CAPN9: variants seen among roughly 807,000 people sequenced by gnomAD.
The protein encoded by CAPN9 is calpain 9.
CAPN9 carries 81 observed loss-of-function variants against 92.8 expected under a neutral mutation model. The ratio of observed to expected loss-of-function variants is 0.87; its 90% CI spans 0.73 to 1.05. The LOEUF (loss-of-function observed/expected upper bound fraction) is 1.05, where lower values mean the gene tolerates loss of function less well. CAPN9 is among the 50% of genes least tolerant of loss of function. The pLI is 0.00. For synonymous variants in CAPN9, 304 were observed against 328.0 expected, an observed-to-expected ratio of 0.93 and a Z score of 0.79; for missense variants, 848 against 866.2, an observed-to-expected ratio of 0.98 and a Z score of 0.26.
At chr1:230,787,720 G>A in intron 13 of CAPN9, 118 bp downstream of exon 13, 1 of 819,762 alleles carries the variant, frequency 1.2e-6, no homozygotes, top group Non-Finnish European at 2.1e-6. Context: ...GATGGAGCTT[G>A]TTGCAAAGTA....
chr1:230,777,085 G>A (rs994265800), intron 8 of CAPN9: 3 of 152,256 alleles, frequency 2.0e-5, no homozygotes, highest in African/African-American at 7.2e-5. Context: ...ACTGCAGGAA[G>A]AAAGCTGAGT....
At chr1:230,768,706 AT>A (rs879379940) in intron 5 of CAPN9, among the ~76,000 whole-genome samples, 9 of 151,842 alleles carry the variant, frequency 5.9e-5, no homozygotes, top group East Asian at 1.9e-4. Context: ...GACACTATGT[AT>A]TTTTTTTAAT....
chr1:230,756,701 C>T (rs967372729), intron 2 of CAPN9, among the ~76,000 whole-genome samples: 10 of 151,820 alleles, frequency 6.6e-5, no homozygotes, highest in African/African-American at 2.2e-4. Context: ...TTTGGGAGGC[C>T]GAGGCAGGAG....
intron 9 of CAPN9, 76 bp downstream of exon 9, chr1:230,779,209 C>T (rs1428353564): frequency 1.4e-5 from 19 of 1,399,186 alleles, no homozygotes; most frequent in African/African-American, 2.9e-5. Context: ...GGATAAGGGC[C>T]GGGTCCTCAG....
At chr1:230,784,154 G>T (rs967487864) in intron 11 of CAPN9, among the ~76,000 whole-genome samples, 7 of 152,192 alleles carry the variant, frequency 4.6e-5, no homozygotes, top group Non-Finnish European at 1.0e-4. Flanking sequence ...TGGGAGCAAA[G>T]ATATGACTTA....
intron 13 of CAPN9, among the ~76,000 whole-genome samples, chr1:230,789,931 G>C (rs187425611): frequency 4.6e-5 from 7 of 152,244 alleles, no homozygotes; most frequent in African/African-American, 1.7e-4. Context: ...CTCCTAGTTG[G>C]GCTGGCATGT....
At chr1:230,791,982 C>CT in intron 15 of CAPN9, 54 bp downstream of exon 15, 1 of 1,276,136 alleles carries the variant, frequency 7.8e-7, no homozygotes, top group East Asian at 2.3e-5. Context: ...GCTTTAAGCA[C>CT]AGTAGAGTAA....
chr1:230,774,964 C>T (rs935251201), intron 8 of CAPN9, among the ~76,000 whole-genome samples: 33 of 152,114 alleles, frequency 2.2e-4, no homozygotes, highest in African/African-American at 7.5e-4. Context: ...TAGTCTCGAA[C>T]CCCTGACCTC....
intron 2 of CAPN9, 45 bp downstream of exon 2, chr1:230,755,451 C>A (rs754011148): frequency 6.7e-7 from 1 of 1,485,880 alleles, no homozygotes; most frequent in Non-Finnish European, 9.2e-7. Context: ...GGTTGAGTCA[C>A]TGGGACAGGC....
Position 230,747,715 on chromosome 1 carries a change from T to C in CAPN9, c.213+6T>C. 1.2e-6 allele frequency: 2 copies of C among 1,612,736 alleles called. No homozygotes were observed. The highest frequency in any genetic ancestry group is 1.7e-6 in the Non-Finnish European group (2 of 1,179,072). On this transcript the variant is annotated splice_donor_region_variant and intron_variant, in intron 1 of 19. Coordinates refer to ENST00000271971, the MANE Select transcript of CAPN9 (RefSeq NM_006615.3). ...TTGTGTGGAAACGACCAGGGGTGAG[T>C]GGGGCGAGCAGGGGAAGGAGCATAG...
Position 230,800,216 on chromosome 1 carries a change from A to AAAAT in CAPN9, c.2047-1351_2047-1348dup, listed in dbSNP as rs1237803664. ...AGAAGGAAAAGAAAGAAAAGAAAGA[A>AAAAT]AAATAAGAAAGAAAGAAGAAAGAAA... On this transcript the variant is annotated intron_variant, in intron 19 of 19. Transcript: ENST00000271971. Among the ~76,000 whole-genome samples, 3 of 118,058 alleles carry AAAAT rather than the reference A, an allele frequency of 2.5e-5. No homozygotes were observed. The East Asian group carries it at 6.7e-4, about 26-fold the overall frequency. 77.5% of individuals were successfully genotyped at this position (118,058 alleles called of 152,430 possible).
rs754066836 is a variant in CAPN9, at chr1:230,795,211, C to T, written c.1919C>T (p.Ala640Val). 2.2e-5 allele frequency: 36 copies of T among 1,613,234 alleles called. No individual in the cohort carries two copies. Among genetic ancestry groups the T allele is most frequent in the East Asian group, 2.0e-4 (9 of 44,870 alleles). The change falls in exon 18 of 20, where the codon GCG (alanine) becomes GTG (valine). Residue 640 changes from alanine to valine, a missense_variant. Ala to Val is a moderately conservative substitution (Grantham distance 64, BLOSUM62 0). Coordinates refer to ENST00000271971, the MANE Select transcript of CAPN9 (RefSeq NM_006615.3). ...HLLQLIVLRY[A>V]DEELQLDFDD... ...CTGCAGCTGATTGTGCTCAGGTATGCGGATGAGGAGCTCCAGCTGGACTTC... is the reference window on the plus strand; with the variant it reads ...CTGCAGCTGATTGTGCTCAGGTATGTGGATGAGGAGCTCCAGCTGGACTTC...
At chr1:230,790,222 C>G (rs1025310835) in intron 14 of CAPN9, 33 bp downstream of exon 14, 2 of 1,612,592 alleles carry the variant, frequency 1.2e-6, no homozygotes, top group South Asian at 1.1e-5. Flanking sequence ...TCCTGGGGCA[C>G]CTATGGAGGG....
chr1:230,753,794 C>T (rs1029132052), intron 1 of CAPN9, among the ~76,000 whole-genome samples: 1 of 152,050 alleles, frequency 6.6e-6, no homozygotes, highest in Non-Finnish European at 1.5e-5. Context: ...GAACGGGCCT[C>T]GCTGCCACAG....
intron 5 of CAPN9, 112 bp downstream of exon 5, chr1:230,767,821 T>C: frequency 1.0e-6 from 1 of 1,000,888 alleles, no homozygotes; most frequent in Non-Finnish European, 1.5e-6. Context: ...AGGAGGGGCA[T>C]AACTCTTGGG....
At position 230,751,623 on chromosome 1, in the gene CAPN9, G is replaced by GAAAC. The variant is rs1211452745; in HGVS notation, c.214-3711_214-3710insCAAA. Among the ~76,000 whole-genome samples, 6 of 65,382 alleles carry GAAAC rather than the reference G, an allele frequency of 9.2e-5. No homozygotes were observed. The East Asian group carries it at 1.5e-3, about 17-fold the overall frequency. The allele number at this position is 65,382 out of a possible 152,430, so 42.9% of individuals were successfully genotyped here. On this transcript the variant is annotated intron_variant, in intron 1 of 19. Coordinates refer to ENST00000271971, the MANE Select transcript of CAPN9 (RefSeq NM_006615.3). ...AAAGAAAGAAAGAGAAAGAAAGAAAGAAAGAAAGAAAGAAAGAAAGAAAGA... is the reference window on the plus strand; with the variant it reads ...AAAGAAAGAAAGAGAAAGAAAGAAAGAAACAAAGAAAGAAAGAAAGAAAGAAAGA...
chr1:230,791,475 T>A (rs1667984967), intron 14 of CAPN9, among the ~76,000 whole-genome samples: 1 of 152,220 alleles, frequency 6.6e-6, no homozygotes, highest in Non-Finnish European at 1.5e-5. Flanking sequence ...AAAAACATGA[T>A]TCCTAAGGGT....
At chr1:230,758,712 G>T (rs1890354) in intron 2 of CAPN9, among the ~76,000 whole-genome samples, 31,998 of 151,932 alleles carry the variant, frequency 0.21, 4,143 homozygotes, top group African/African-American at 0.35. Context: ...TGGGCTTTTA[G>T]GTTCTGATGA....
chr1:230,756,831 A>G (rs919555874), intron 2 of CAPN9, among the ~76,000 whole-genome samples: 21 of 152,212 alleles, frequency 1.4e-4, no homozygotes, highest in African/African-American at 5.1e-4. Flanking sequence ...AGTTCCAGCT[A>G]CTTGGTAGGC....
Sources: gnomAD v4.1 joint callset for allele counts (sites outside exome capture counted in the v4.1 genomes callset) on GRCh38, gnomAD v4.1.1 for gene constraint, MANE v1.5 for transcripts, NCBI Gene and HGNC (gene_info 2026-07-23, HGNC 2026-07-21) for gene names.